The following HMGCS2 variants were observed in gnomAD, a reference collection of about 807,000 sequenced individuals.
HMGCS2 encodes the protein 3-hydroxy-3-methylglutaryl-CoA synthase 2.
HMGCS2 carries 50 observed loss-of-function variants against 57.4 expected under a neutral mutation model. The observed-to-expected ratio is 0.87, with a 90% CI of 0.69 to 1.10. The LOEUF (loss-of-function observed/expected upper bound fraction) is 1.10, where lower values mean the gene tolerates loss of function less well. Among genes scored for constraint, HMGCS2 ranks in the 50% least tolerant of loss-of-function variants. The pLI is 0.00. For missense variants in HMGCS2, 627 were observed against 636.5 expected, an observed-to-expected ratio of 0.99 and a Z score of 0.16; for synonymous variants, 254 against 245.1, an observed-to-expected ratio of 1.04 and a Z score of -0.34.
In HMGCS2 at chr1:119,757,426, C is replaced by A; in HGVS notation, c.863G>T (p.Arg288Leu). ...QNQWKQAGSD[R>L]PFTLDDLQYM... Reference sequence around the variant, plus strand: ...CTGTAAATCGTCAAGGGTGAAGGGTCGATCGCTGCCAGCTGGAAGAGGAAG... The same window carrying A: ...CTGTAAATCGTCAAGGGTGAAGGGTAGATCGCTGCCAGCTGGAAGAGGAAG... Residue 288 changes from arginine (R) to leucine (L), a missense_variant, in exon 5 of 10, where the codon CGA (arginine) becomes CTA (leucine). By Grantham distance (102) the Arg-to-Leu change is moderately radical. Transcript: ENST00000369406. 1 of 1,613,864 alleles carries A rather than the reference C, an allele frequency of 6.2e-7. No homozygotes were observed. The highest frequency in any genetic ancestry group is 8.5e-7 in the Non-Finnish European group (1 of 1,179,810).
chr1:119,755,301 C>T lies in HMGCS2; in HGVS notation c.1187+126G>A, dbSNP rs1012164675. ...GAGATTACAGGCATGAGCCACTACACCAGGCCCCTTCCTTTCTTTTAAATT... is the reference window on the plus strand; with the variant it reads ...GAGATTACAGGCATGAGCCACTACATCAGGCCCCTTCCTTTCTTTTAAATT... On this transcript the variant is annotated intron_variant, in intron 6 of 9. Coordinates refer to ENST00000369406, the MANE Select transcript of HMGCS2 (RefSeq NM_005518.4). 4 of 959,840 alleles carry T rather than the reference C, an allele frequency of 4.2e-6. No individual in the cohort carries two copies. The African/African-American group carries it at 4.8e-5, about 12-fold the overall frequency. 59.5% of individuals were successfully genotyped at this position (959,840 alleles called of 1,614,324 possible).
At chr1:119,758,356 T>C (rs1053092316) in intron 4 of HMGCS2, among the ~76,000 whole-genome samples, 4 of 152,198 alleles carry the variant, frequency 2.6e-5, no homozygotes, top group African/African-American at 7.2e-5. Flanking sequence ...ATCTCAGCCT[T>C]CTGAGTAGCT....
chr1:119,751,296 T>G (rs1353052669), intron 8 of HMGCS2, among the ~76,000 whole-genome samples: 2 of 152,118 alleles, frequency 1.3e-5, no homozygotes, highest in African/African-American at 4.8e-5. Flanking sequence ...TTTCTGGTTC[T>G]GATTCATTGC....
Position 119,764,365 on chromosome 1 carries a change from G to A in HMGCS2, c.366C>T (p.Asp122=), listed in dbSNP as rs138170167. ...RLMERIQLPW[D]SVGRLEVGTE... is the part of the protein sequence containing the mutation. ...TGCCTACTTCCAGCCTGCCCACAGA[G>A]TCCCATGGGAGCTGTATGCGCTCCA... is the stretch of plus-strand genomic sequence containing the variant. Residue 122 remains aspartate (D), a synonymous_variant, in exon 2 of 10, where the codon GAC becomes GAT. Coordinates refer to ENST00000369406, the MANE Select transcript of HMGCS2 (RefSeq NM_005518.4). 2.5e-6 allele frequency: 4 copies of A among 1,614,146 alleles called. No individual in the cohort carries two copies. Among genetic ancestry groups the A allele is most frequent in the African/African-American group, 1.3e-5 (1 of 74,952 alleles).
At chr1:119,759,041 C>G in intron 4 of HMGCS2, 77 bp downstream of exon 4, 1 of 1,385,888 alleles carries the variant, frequency 7.2e-7, no homozygotes, top group Non-Finnish European at 1.0e-6. Flanking sequence ...AGAGAAAAGA[C>G]CATCTCATGG....
At chr1:119,754,058 AT>A (rs35162300) in intron 6 of HMGCS2, among the ~76,000 whole-genome samples, 72,944 of 136,518 alleles carry the variant, frequency 0.53, 18,952 homozygotes, top group Middle Eastern at 0.69. Flanking sequence ...CACCCAGCTA[AT>A]TTTTTTTTTT....
In HMGCS2 at chr1:119,753,565, G is replaced by C. The variant is rs114432088; in HGVS notation, c.1188-179C>G. Among the ~76,000 whole-genome samples, 802 of 152,252 alleles carry C rather than the reference G, an allele frequency of 5.3e-3. 8 individuals carry two copies. The highest frequency in any genetic ancestry group is 0.019 in the African/African-American group (769 of 41,546). ...GGGTTCCAGGCACCCTACATAAAGA[G>C]GGACTTCTGGTAGACCCCAGGGACA... is the stretch of plus-strand genomic sequence containing the variant. On this transcript the variant is annotated intron_variant, in intron 6 of 9. Transcript: ENST00000369406.
At chr1:119,759,066 C>A (rs913349724) in intron 4 of HMGCS2, 52 bp downstream of exon 4, 5 of 1,578,666 alleles carry the variant, frequency 3.2e-6, no homozygotes, top group African/African-American at 2.7e-5. Context: ...TGGGTACAAA[C>A]CCTTGGCCTA....
intron 5 of HMGCS2, 30 bp downstream of exon 5, chr1:119,757,242 AG>A: frequency 6.2e-7 from 1 of 1,613,862 alleles, no homozygotes; most frequent in Non-Finnish European, 8.5e-7. Context: ...ACACCTCACC[AG>A]CCTCTAGGCT....
intron 5 of HMGCS2, among the ~76,000 whole-genome samples, chr1:119,756,517 G>GT (rs1557990535): frequency 6.6e-6 from 1 of 152,128 alleles, no homozygotes; most frequent in Non-Finnish European, 1.5e-5. Flanking sequence ...GCTACACTTG[G>GT]TAGCCTATTC....
intron 1 of HMGCS2, among the ~76,000 whole-genome samples, chr1:119,765,270 A>G (rs1218123482): frequency 2.0e-5 from 3 of 151,948 alleles, no homozygotes; most frequent in Non-Finnish European, 2.9e-5. Flanking sequence ...CACCACGCCC[A>G]GCTAATTTTT....
chr1:119,748,200 G>A lies in HMGCS2; in HGVS notation c.*647C>T, dbSNP rs1030360366. 2.3e-4 allele frequency: 35 copies of A among 152,300 alleles called. No homozygotes were observed. The highest frequency in any genetic ancestry group is 7.7e-4 in the African/African-American group (32 of 41,546). The allele number at this position is 152,300 out of a possible 1,614,324, so 9.4% of individuals were successfully genotyped here. On this transcript the variant is annotated 3_prime_UTR_variant, in exon 10 of 10. Coordinates refer to ENST00000369406, the MANE Select transcript of HMGCS2 (RefSeq NM_005518.4). ...GGGCTGGGGGAAGCTGTGTTCTACC[G>A]TTCTTATTTGCCTTGTACCTGTCAT...
Position 119,755,257 on chromosome 1 carries a change from C to A in HMGCS2, c.1187+170G>T, listed in dbSNP as rs116140258. Among the ~76,000 whole-genome samples the A allele has an allele frequency of 9.9e-3, 1,514 of 152,332 alleles. 29 individuals carry two copies. The highest frequency in any genetic ancestry group is 0.034 in the African/African-American group (1,424 of 41,566). On this transcript the variant is annotated intron_variant, in intron 6 of 9. Transcript: ENST00000369406. Reference sequence around the variant, plus strand: ...TCCTAGGTTCAGGCGATCTGCCCGCCTAAACCTCCCCAAATGCTGAGATTA... The same window carrying A: ...TCCTAGGTTCAGGCGATCTGCCCGCATAAACCTCCCCAAATGCTGAGATTA...
chr1:119,756,931 T>G (rs1421521937), intron 5 of HMGCS2, among the ~76,000 whole-genome samples: 3 of 152,094 alleles, frequency 2.0e-5, no homozygotes, highest in Admixed American at 2.0e-4. Flanking sequence ...GCACATAACA[T>G]GTTCAGAAAA....
Position 119,764,287 on chromosome 1 carries a change from G to GAGTT in HMGCS2, c.440_443dup (p.Phe149ThrfsTer9). On this transcript the variant is annotated frameshift_variant, in exon 2 of 10. Transcript: ENST00000369406. LOFTEE classifies it high-confidence loss of function. Reference sequence around the variant, plus strand: ...TATCAGTATTGCCTGAATCCTGGAAGAGTTCCATGAGCACTGTTTTGACAG... The same window carrying GAGTT: ...TATCAGTATTGCCTGAATCCTGGAAGAGTTAGTTCCATGAGCACTGTTTTGACAG... 6.2e-7 allele frequency: 1 copy of GAGTT among 1,614,184 alleles called. No individual in the cohort carries two copies. The highest frequency in any genetic ancestry group is 1.3e-5 in the African/African-American group (1 of 75,062).
chr1:119,755,255 G>A (rs1034805312), intron 6 of HMGCS2, among the ~76,000 whole-genome samples, 172 bp downstream of exon 6: 10 of 152,094 alleles, frequency 6.6e-5, no homozygotes, highest in African/African-American at 9.7e-5. Flanking sequence ...CGATCTGCCC[G>A]CCTAAACCTC....
chr1:119,751,375 T>G (rs1303768122), intron 8 of HMGCS2, among the ~76,000 whole-genome samples: 1 of 150,948 alleles, frequency 6.6e-6, no homozygotes, highest in East Asian at 1.9e-4. Flanking sequence ...CTTTTTTTTT[T>G]TTTTGTTTTG....
chr1:119,757,527 C>G lies in HMGCS2; in HGVS notation c.851-89G>C, dbSNP rs1363718187. On this transcript the variant is annotated intron_variant, in intron 4 of 9. Transcript: ENST00000369406. ...TGAGATTTAACTGTGCCGAGTTTCT[C>G]CAGGCCTCCCAGGGAACTACTTCCC... 2.5e-6 allele frequency: 4 copies of G among 1,595,038 alleles called. No individual in the cohort carries two copies. The African/African-American group carries it at 5.4e-5, about 21-fold the overall frequency.
chr1:119,757,476 G>A (rs773001399), intron 4 of HMGCS2, 38 bp from the exon 5 acceptor site: 1 of 1,613,936 alleles, frequency 6.2e-7, no homozygotes, highest in East Asian at 2.2e-5. Context: ...TGGGGCATGA[G>A]GGGCGAGCCA....
Sources: gnomAD v4.1 joint callset for allele counts (sites outside exome capture counted in the v4.1 genomes callset) on GRCh38, gnomAD v4.1.1 for gene constraint, MANE v1.5 for transcripts, NCBI Gene and HGNC (gene_info 2026-07-23, HGNC 2026-07-21) for gene names.